ASAP1: variants seen among roughly 807,000 people sequenced by gnomAD.
ASAP1 encodes ArfGAP with SH3 domain, ankyrin repeat and PH domain 1, also known as arf-GAP with SH3 domain, ANK repeat and PH domain-containing protein 1.
Under a neutral mutation model 145.2 loss-of-function variants are expected in ASAP1, and 43 were observed. That is an observed-to-expected ratio of 0.30 (90% CI 0.23 to 0.38). ASAP1 has a LOEUF of 0.38. ASAP1 is among the 10% of genes least tolerant of loss of function. ASAP1 has a pLI of 1.00. For missense variants in ASAP1, 1,018 were observed against 1,355.3 expected (o/e 0.75, Z 3.91); for synonymous variants, 546 against 515.5 (o/e 1.06, Z -0.80).
chr8:130,369,315 T>G (rs575188822), intron 2 of ASAP1, among the ~76,000 whole-genome samples: 1 of 152,158 alleles, frequency 6.6e-6, no homozygotes, highest in African/African-American at 2.4e-5. Flanking sequence ...CTGAAGGTAA[T>G]CTTATACTAT....
chr8:130,267,954 T>C (rs1820358841), intron 3 of ASAP1, among the ~76,000 whole-genome samples: 1 of 152,262 alleles, frequency 6.6e-6, no homozygotes, highest in African/African-American at 2.4e-5. Flanking sequence ...CAAAGCAACA[T>C]GGCAGCACAA....
intron 2 of ASAP1, among the ~76,000 whole-genome samples, chr8:130,393,468 T>TA (rs146749440): frequency 0.063 from 9,529 of 152,134 alleles, 298 homozygotes; most frequent in Middle Eastern, 0.12. Context: ...CAAAGACTCC[T>TA]AGGAAGGCCA....
At chr8:130,345,119 T>C (rs1338565083) in intron 3 of ASAP1, among the ~76,000 whole-genome samples, 3 of 152,072 alleles carry the variant, frequency 2.0e-5, no homozygotes, top group African/African-American at 7.2e-5. Context: ...AATGAGAAAA[T>C]AGTGGCTTTG....
At chr8:130,330,611 T>A (rs1372539124) in intron 3 of ASAP1, among the ~76,000 whole-genome samples, 1 of 152,270 alleles carries the variant, frequency 6.6e-6, no homozygotes, top group Non-Finnish European at 1.5e-5. Flanking sequence ...TTAACTCATG[T>A]GAGGCCTTCA....
At chr8:130,096,080 T>G (rs1188127352) in intron 24 of ASAP1, among the ~76,000 whole-genome samples, 6 of 152,228 alleles carry the variant, frequency 3.9e-5, no homozygotes. Context: ...ACCTATCTAT[T>G]GTCTTGTAGT....
chr8:130,077,522 T>TTGC (rs1231539012), intron 26 of ASAP1, among the ~76,000 whole-genome samples: 3 of 146,944 alleles, frequency 2.0e-5, no homozygotes, highest in Non-Finnish European at 4.5e-5. Context: ...TAAGAGTTGG[T>TTGC]TGCTGCTGCT....
At chr8:130,433,930 G>A (rs1830220275) in intron 1 of ASAP1, among the ~76,000 whole-genome samples, 1 of 152,316 alleles carries the variant, frequency 6.6e-6, no homozygotes, top group Admixed American at 6.5e-5. Flanking sequence ...GAAGAATTAA[G>A]GCGTGGAATT....
intron 1 of ASAP1, among the ~76,000 whole-genome samples, chr8:130,443,017 A>G (rs938647190): frequency 4.6e-5 from 7 of 152,016 alleles, no homozygotes; most frequent in Non-Finnish European, 5.9e-5. Flanking sequence ...GGGTCCGGGT[A>G]GGGGCCGGGG....
At chr8:130,103,793 C>T (rs1214448746) in intron 24 of ASAP1, among the ~76,000 whole-genome samples, 1 of 152,218 alleles carries the variant, frequency 6.6e-6, no homozygotes, top group Admixed American at 6.5e-5. Context: ...GGATTACAGG[C>T]GTAAGCCACT....
At chr8:130,331,807 C>T (rs138079031) in intron 3 of ASAP1, among the ~76,000 whole-genome samples, 10 of 152,260 alleles carry the variant, frequency 6.6e-5, no homozygotes, top group African/African-American at 2.4e-4. Context: ...CACATACACA[C>T]ACACATGCAA....
At chr8:130,244,262 A>G (rs1025465609) in intron 3 of ASAP1, among the ~76,000 whole-genome samples, 3 of 152,172 alleles carry the variant, frequency 2.0e-5, no homozygotes, top group Non-Finnish European at 4.4e-5. Flanking sequence ...ACATTTGAGG[A>G]CCTGTTGGTG....
At chr8:130,268,778 C>T (rs1820420702) in intron 3 of ASAP1, among the ~76,000 whole-genome samples, 1 of 152,132 alleles carries the variant, frequency 6.6e-6, no homozygotes, top group Admixed American at 6.5e-5. Context: ...ATTCAGGCTC[C>T]TTGATAGCAC....
intron 3 of ASAP1, among the ~76,000 whole-genome samples, chr8:130,332,142 T>G (rs186805862): frequency 6.6e-6 from 1 of 152,214 alleles, no homozygotes; most frequent in Non-Finnish European, 1.5e-5. Context: ...CATCTGAAAT[T>G]TTCCATTCAA....
Position 130,178,882 on chromosome 8 carries a change from C to T in ASAP1, c.746+382G>A, listed in dbSNP as rs903227909. ...CCAGCCAGGCAACAGAGTGAGACTC[C>T]GTCTCAAAGGAAAAAAAAAAAAAGG... On this transcript the variant is annotated intron_variant, in intron 9 of 29. Transcript: ENST00000518721. Among the ~76,000 whole-genome samples, 6 of 151,006 alleles carry T rather than the reference C, an allele frequency of 4.0e-5. No homozygotes were observed. In the South Asian group the frequency reaches 6.3e-4, roughly 16 times the overall value.
At chr8:130,262,780 C>T (rs1399039206) in intron 3 of ASAP1, among the ~76,000 whole-genome samples, 1 of 152,152 alleles carries the variant, frequency 6.6e-6, no homozygotes, top group Non-Finnish European at 1.5e-5. Context: ...AAATGCTTCA[C>T]ATTTTTTACT....
At chr8:130,239,325 T>C (rs1818390871) in intron 3 of ASAP1, among the ~76,000 whole-genome samples, 1 of 152,126 alleles carries the variant, frequency 6.6e-6, no homozygotes, top group African/African-American at 2.4e-5. Flanking sequence ...CTAAGAGGTT[T>C]ACAGAGATTA....
At chr8:130,125,822 G>A (rs1056196623) in intron 17 of ASAP1, 134 bp downstream of exon 17, 16 of 857,480 alleles carry the variant, frequency 1.9e-5, no homozygotes, top group South Asian at 1.1e-4. Context: ...CATTTTAAAC[G>A]TCTACGCAAA....
chr8:130,208,001 A>AAC (rs1366885451), intron 5 of ASAP1, among the ~76,000 whole-genome samples: 1 of 152,178 alleles, frequency 6.6e-6, no homozygotes, highest in African/African-American at 2.4e-5. Flanking sequence ...TTATGCTGAA[A>AAC]TTTTTATGTA....
At chr8:130,270,234 G>C (rs1278771821) in intron 3 of ASAP1, among the ~76,000 whole-genome samples, 2 of 152,102 alleles carry the variant, frequency 1.3e-5, no homozygotes, top group African/African-American at 4.8e-5. Flanking sequence ...AAAGTACCAA[G>C]CTAAGTCACT....
Sources: gnomAD v4.1 joint callset for allele counts (sites outside exome capture counted in the v4.1 genomes callset) on GRCh38, gnomAD v4.1.1 for gene constraint, MANE v1.5 for transcripts, NCBI Gene and HGNC (gene_info 2026-07-23, HGNC 2026-07-21) for gene names.